ANK2: variants seen among roughly 807,000 people sequenced by gnomAD.
ANK2 encodes ankyrin-2.
ANK2 carries 83 observed loss-of-function variants against 360.5 expected under a neutral mutation model. The observed-to-expected ratio is 0.23, with a 90% CI of 0.19 to 0.28. The LOEUF (loss-of-function observed/expected upper bound fraction) is 0.28, where lower values mean the gene tolerates loss of function less well. ANK2 is among the 10% of genes least tolerant of loss of function. The pLI, the probability that ANK2 is intolerant of heterozygous loss-of-function variation, is 1.00. For synonymous variants in ANK2, 1,740 were observed against 1,759.5 expected (o/e 0.99, Z 0.28); for missense variants, 4,201 against 4,795.7 (o/e 0.88, Z 3.66).
At chr4:112,966,581 C>A (rs6819908) in intron 2 of ANK2, among the ~76,000 whole-genome samples, 1 of 151,642 alleles carries the variant, frequency 6.6e-6, no homozygotes, top group Non-Finnish European at 1.5e-5. Flanking sequence ...GAAAGTATTC[C>A]TTTATCAGTG....
At chr4:113,027,001 G>A (rs2059415240) in intron 2 of ANK2, among the ~76,000 whole-genome samples, 1 of 152,106 alleles carries the variant, frequency 6.6e-6, no homozygotes, top group African/African-American at 2.4e-5. Context: ...GGACACAAAG[G>A]AAGAAGGGCT....
At chr4:113,155,150 T>G (rs1362997185) in intron 1 of ANK2, among the ~76,000 whole-genome samples, 4 of 152,240 alleles carry the variant, frequency 2.6e-5, no homozygotes, top group African/African-American at 9.6e-5. Flanking sequence ...AATGGCATAC[T>G]GCATACCATT....
At chr4:112,725,286 CAA>C in the ANK2 span, among the ~76,000 whole-genome samples, 1 of 42,190 alleles carries the variant, frequency 2.4e-5, no homozygotes. Flanking sequence ...TGTCTCCAGA[CAA>C]AAAAAAAAAA....
intron 1 of ANK2, among the ~76,000 whole-genome samples, chr4:113,126,941 C>G (rs2095696717): frequency 6.6e-6 from 1 of 152,022 alleles, no homozygotes; most frequent in South Asian, 2.1e-4. Flanking sequence ...CTGTAATTGG[C>G]CTTCACATGA....
At position 113,355,775 on chromosome 4, in the gene ANK2, A is replaced by G; in HGVS notation, c.7157A>G (p.Glu2386Gly). ...GAGACAAAGGCCTTGCCGCTGCCTG[A>G]GGCTTCTGTAAAGACAGATACAGGA... is the stretch of plus-strand genomic sequence containing the variant. ...SDETKALPLP[E>G]ASVKTDTGTE... Residue 2386 changes from glutamate (E) to glycine (G), a missense_variant, in exon 38 of 46, where the codon GAG (glutamate) becomes GGG (glycine). Transcript: ENST00000357077. 1 of 1,614,100 alleles carries G rather than the reference A, an allele frequency of 6.2e-7. No individual in the cohort carries two copies. The highest frequency in any genetic ancestry group is 8.5e-7 in the Non-Finnish European group (1 of 1,179,984).
chr4:112,885,380 T>A (rs1464441374), intron 1 of ANK2, among the ~76,000 whole-genome samples: 3 of 151,216 alleles, frequency 2.0e-5, no homozygotes, highest in African/African-American at 7.3e-5. Context: ...GCGCCTGTAA[T>A]CCCAGTTACT....
At chr4:113,306,462 G>T (rs149174830) in intron 23 of ANK2, among the ~76,000 whole-genome samples, 78 of 152,288 alleles carry the variant, frequency 5.1e-4, no homozygotes, top group Middle Eastern at 6.8e-3. Context: ...AACTGAAAGG[G>T]AAACACGATA....
At chr4:113,210,667 A>G (rs1331975744) in intron 4 of ANK2, among the ~76,000 whole-genome samples, 1 of 152,222 alleles carries the variant, frequency 6.6e-6, no homozygotes, top group Non-Finnish European at 1.5e-5. Context: ...TAATTACAGT[A>G]CATAAAATTG....
At chr4:112,994,687 G>A (rs143935012) in intron 2 of ANK2, among the ~76,000 whole-genome samples, 1 of 152,196 alleles carries the variant, frequency 6.6e-6, no homozygotes, top group Non-Finnish European at 1.5e-5. Flanking sequence ...GAGGTTTGGG[G>A]CATGAATGAT....
intron 45 of ANK2, 49 bp downstream of exon 45, chr4:113,373,498 T>C: frequency 1.9e-6 from 3 of 1,579,750 alleles, no homozygotes; most frequent in Non-Finnish European, 8.7e-7. Context: ...AGGAACAAAA[T>C]AGAGCTCAAG....
chr4:113,285,472 G>T (rs1273735753), intron 18 of ANK2, among the ~76,000 whole-genome samples: 1 of 152,128 alleles, frequency 6.6e-6, no homozygotes, highest in African/African-American at 2.4e-5. Flanking sequence ...TAATTCACTG[G>T]AGTGGCTCAC....
chr4:113,073,181 C>T (rs1176303513), intron 1 of ANK2, among the ~76,000 whole-genome samples: 2 of 151,766 alleles, frequency 1.3e-5, no homozygotes, highest in Admixed American at 1.3e-4. Context: ...AGGCTGGTCT[C>T]CTGACCTAAG....
At chr4:112,873,226 T>C (rs1370503454) in intron 1 of ANK2, among the ~76,000 whole-genome samples, 1 of 151,770 alleles carries the variant, frequency 6.6e-6, no homozygotes, top group Non-Finnish European at 1.5e-5. Flanking sequence ...TGCCCTAATA[T>C]TTATTATTTC....
chr4:113,280,713 TG>T (rs2061955949), intron 17 of ANK2, among the ~76,000 whole-genome samples: 2 of 152,192 alleles, frequency 1.3e-5, no homozygotes, highest in Admixed American at 1.3e-4. Flanking sequence ...TTCCTCTTTG[TG>T]GAGTAAGAGG....
intron 1 of ANK2, among the ~76,000 whole-genome samples, chr4:112,902,756 G>T (rs560049951): frequency 1.3e-5 from 2 of 152,060 alleles, no homozygotes; most frequent in Admixed American, 6.6e-5. Flanking sequence ...TTAAAAACAG[G>T]GTTGTGATTT....
intron 13 of ANK2, among the ~76,000 whole-genome samples, chr4:113,260,368 A>G (rs1391997785): frequency 6.6e-6 from 1 of 152,226 alleles, no homozygotes; most frequent in African/African-American, 2.4e-5. Context: ...GACAATCATT[A>G]TATTAAACTT....
chr4:113,285,326 T>C (rs2064006619), intron 18 of ANK2, among the ~76,000 whole-genome samples: 1 of 151,724 alleles, frequency 6.6e-6, no homozygotes, highest in Non-Finnish European at 1.5e-5. Flanking sequence ...CTGGAGAGAG[T>C]GTTAGATCCC....
At chr4:112,977,390 T>C (rs1475426137) in intron 2 of ANK2, among the ~76,000 whole-genome samples, 1 of 152,122 alleles carries the variant, frequency 6.6e-6, no homozygotes, top group Non-Finnish European at 1.5e-5. Context: ...AGAAATGTTT[T>C]ATATTAATTT....
chr4:113,013,683 A>G (rs1300825086), intron 2 of ANK2, among the ~76,000 whole-genome samples: 3 of 152,154 alleles, frequency 2.0e-5, no homozygotes, highest in Non-Finnish European at 4.4e-5. Context: ...TTTACATTAT[A>G]TTTTCAAACT....
Sources: allele counts gnomAD v4.1 joint callset (sites outside exome capture counted in the v4.1 genomes callset), GRCh38; gene constraint gnomAD v4.1.1; transcripts MANE v1.5; gene names NCBI Gene and HGNC (gene_info 2026-07-23, HGNC 2026-07-21).